DPH6: variants seen among roughly 807,000 people sequenced by gnomAD.
The protein encoded by DPH6 is diphthamine biosynthesis 6, also known as diphthine--ammonia ligase.
DPH6 carries 33 observed loss-of-function variants against 38.2 expected under a neutral mutation model. The observed-to-expected ratio is 0.86, with a 90% CI of 0.65 to 1.15. DPH6 has a LOEUF of 1.15. Ranked by LOEUF, DPH6 falls within the 50% of genes most tolerant of loss-of-function variation. The pLI is 0.00. For missense variants in DPH6, 325 were observed against 320.0 expected (o/e 1.02, Z -0.12); for synonymous variants, 108 against 103.0 (o/e 1.05, Z -0.30).
At chr15:35,465,825 G>C (rs549951059) in intron 3 of DPH6, among the ~76,000 whole-genome samples, 77 of 152,194 alleles carry the variant, frequency 5.1e-4, no homozygotes, top group Admixed American at 9.2e-4. Context: ...AAGTTGTTAA[G>C]GCTGAAAGTA....
At chr15:35,453,692 A>T (rs2053963580) in intron 4 of DPH6, among the ~76,000 whole-genome samples, 1 of 152,088 alleles carries the variant, frequency 6.6e-6, no homozygotes, top group South Asian at 2.1e-4. Context: ...ATTTCTCTTC[A>T]CTTAACTATG....
At chr15:35,252,289 T>C (rs2051680226) in intron 3 of DPH6, among the ~76,000 whole-genome samples, 1 of 152,050 alleles carries the variant, frequency 6.6e-6, no homozygotes, top group Admixed American at 6.6e-5. Context: ...CACAGAGAAA[T>C]CCCCTAAATT....
chr15:35,146,103 G>A, the DPH6 span, among the ~76,000 whole-genome samples: 1 of 136,614 alleles, frequency 7.3e-6, no homozygotes, highest in Admixed American at 7.7e-5. Context: ...GTGTGTGTGT[G>A]TGTGTGTGTA....
chr15:35,273,579 T>C (rs1426678936), intron 3 of DPH6, among the ~76,000 whole-genome samples: 4 of 152,190 alleles, frequency 2.6e-5, no homozygotes, highest in Admixed American at 6.5e-5. Context: ...ACAAAATCAA[T>C]GTGCAAAAAT....
chr15:35,400,618 T>C (rs1031143107), intron 6 of DPH6: 1 of 488,046 alleles, frequency 2.0e-6, no homozygotes, highest in Non-Finnish European at 3.7e-6. Flanking sequence ...TTTTAAAATA[T>C]TACAAAATTA....
chr15:35,376,731 T>C (rs1208849561), intron 7 of DPH6, among the ~76,000 whole-genome samples: 1 of 152,168 alleles, frequency 6.6e-6, no homozygotes, highest in East Asian at 1.9e-4. Context: ...TATGCTTAGA[T>C]ACATTTAGAT....
chr15:35,391,496 C>T (rs897004053), intron 6 of DPH6, among the ~76,000 whole-genome samples: 118 of 152,276 alleles, frequency 7.7e-4, no homozygotes, highest in African/African-American at 2.7e-3. Context: ...CCACTCAGTT[C>T]GAGCTTCCTA....
At chr15:35,437,886 G>T (rs2053737681) in intron 5 of DPH6, among the ~76,000 whole-genome samples, 1 of 152,194 alleles carries the variant, frequency 6.6e-6, no homozygotes. Flanking sequence ...CTGGCTTAGG[G>T]AATGAGTTCT....
the DPH6 span, among the ~76,000 whole-genome samples, chr15:35,156,622 T>C: frequency 6.6e-6 from 1 of 152,134 alleles, no homozygotes; most frequent in Non-Finnish European, 1.5e-5. Flanking sequence ...TGCAAATTCA[T>C]TCTGGCTGTC....
chr15:35,303,990 T>C (rs1234945079), intron 3 of DPH6, among the ~76,000 whole-genome samples: 1 of 152,068 alleles, frequency 6.6e-6, no homozygotes, highest in Non-Finnish European at 1.5e-5. Flanking sequence ...TAAGTTGCCA[T>C]TACTTGGCAA....
At chr15:35,263,317 T>C (rs1358896345) in intron 3 of DPH6, among the ~76,000 whole-genome samples, 1 of 152,074 alleles carries the variant, frequency 6.6e-6, no homozygotes, top group Non-Finnish European at 1.5e-5. Context: ...TCTTCCATAG[T>C]TCCTCTGAAC....
intron 5 of DPH6, among the ~76,000 whole-genome samples, chr15:35,425,665 GTGTGTGTGTA>G (rs138122497): frequency 0.34 from 50,153 of 148,930 alleles, 9,922 homozygotes; most frequent in African/African-American, 0.56. Flanking sequence ...ATATATGGAA[GTGTGTGTGTA>G]TGTGTGTGTG....
intron 6 of DPH6, among the ~76,000 whole-genome samples, chr15:35,403,997 C>T (rs889033622): frequency 6.6e-6 from 1 of 152,064 alleles, no homozygotes; most frequent in African/African-American, 2.4e-5. Flanking sequence ...CTGTGCCTGG[C>T]TTATTTCACT....
intron 3 of DPH6, chr15:35,489,566 A>T: frequency 4.1e-6 from 4 of 982,928 alleles, no homozygotes; most frequent in Non-Finnish European, 4.8e-6. Flanking sequence ...TCATGTTTAA[A>T]TTTTTCTGAA....
intron 3 of DPH6, among the ~76,000 whole-genome samples, chr15:35,512,100 A>G (rs1465968745): frequency 6.6e-6 from 1 of 152,168 alleles, no homozygotes; most frequent in Non-Finnish European, 1.5e-5. Flanking sequence ...TAATGGGATA[A>G]AGTAGTGGTT....
intron 6 of DPH6, among the ~76,000 whole-genome samples, chr15:35,391,744 C>G (rs2053061329): frequency 6.6e-6 from 1 of 152,208 alleles, no homozygotes; most frequent in African/African-American, 2.4e-5. Flanking sequence ...GTCTGTCACC[C>G]TTTTCTTTGA....
At chr15:35,366,294 TTA>T (rs2052659153), downstream of DPH6, among the ~76,000 whole-genome samples, 1 of 151,108 alleles carries the variant, frequency 6.6e-6, no homozygotes, top group South Asian at 2.1e-4. Flanking sequence ...AGGGGTCTTT[TTA>T]TAGACTTAAC....
At chr15:35,441,425 G>A (rs1459354250) in intron 5 of DPH6, among the ~76,000 whole-genome samples, 2 of 152,162 alleles carry the variant, frequency 1.3e-5, no homozygotes, top group Non-Finnish European at 2.9e-5. Context: ...GTCCATCAAA[G>A]ATAGACTGGA....
At chr15:35,372,481 T>TG in intron 8 of DPH6, 1 of 241,328 alleles carries the variant, frequency 4.1e-6, no homozygotes, top group East Asian at 7.8e-5. Flanking sequence ...TGTGCGTACA[T>TG]GGTAGCAAAA....
Sources: allele counts gnomAD v4.1 joint callset (sites outside exome capture counted in the v4.1 genomes callset), GRCh38; gene constraint gnomAD v4.1.1; transcripts MANE v1.5; gene names NCBI Gene and HGNC (gene_info 2026-07-23, HGNC 2026-07-21).